The following RUNX1T1 variants were observed in gnomAD, a reference collection of about 807,000 sequenced individuals.
RUNX1T1 encodes RUNX1 partner transcriptional co-repressor 1.
A neutral mutation model predicts 62.8 loss-of-function variants in RUNX1T1; 4 were observed. The observed-to-expected ratio is 0.06, with a 90% CI of 0.03 to 0.15. The LOEUF (loss-of-function observed/expected upper bound fraction) is 0.15. Ranked by LOEUF, RUNX1T1 falls within the 10% of genes least tolerant of loss-of-function variation. RUNX1T1 has a pLI of 1.00. For synonymous variants in RUNX1T1, 291 were observed against 286.0 expected (o/e 1.02, Z -0.18); for missense variants, 508 against 754.3 (o/e 0.67, Z 3.82).
chr8:92,079,032 C>G (rs1834843676), intron 1 of RUNX1T1, among the ~76,000 whole-genome samples: 1 of 152,128 alleles, frequency 6.6e-6, no homozygotes, highest in Non-Finnish European at 1.5e-5. Flanking sequence ...GTGCAGTTCC[C>G]CATTACTGTA....
At chr8:92,017,959 T>C (rs1823337746) in intron 1 of RUNX1T1, among the ~76,000 whole-genome samples, 1 of 152,182 alleles carries the variant, frequency 6.6e-6, no homozygotes, top group Non-Finnish European at 1.5e-5. Context: ...TACAATGAAG[T>C]GAAACTATTA....
At chr8:92,098,025 A>G (rs749660689) in intron 1 of RUNX1T1, among the ~76,000 whole-genome samples, 1 of 152,232 alleles carries the variant, frequency 6.6e-6, no homozygotes, top group East Asian at 1.9e-4. Flanking sequence ...TCTTTTCTTA[A>G]TAATAGGTTA....
intron 3 of RUNX1T1, among the ~76,000 whole-genome samples, chr8:92,014,358 T>C (rs577888376): frequency 3.3e-5 from 5 of 152,230 alleles, no homozygotes; most frequent in African/African-American, 1.2e-4. Context: ...TATAACCATA[T>C]CTTTATTAGT....
At chr8:92,102,804 G>A (rs1838100280), upstream of RUNX1T1, 2 of 1,480,830 alleles carry the variant, frequency 1.4e-6, no homozygotes, top group Non-Finnish European at 1.8e-6. The surrounding 1 kb of genome is among the most constrained non-coding windows in gnomAD (Gnocchi z 4.5). Context: ...ATAACAGTCA[G>A]GGGCCCGACC....
At chr8:92,098,689 A>G (rs141787791) in intron 1 of RUNX1T1, among the ~76,000 whole-genome samples, 2 of 152,322 alleles carry the variant, frequency 1.3e-5, no homozygotes, top group Non-Finnish European at 2.9e-5. Flanking sequence ...CTCTTTACAT[A>G]AAACGCATTT....
chr8:92,034,670 A>ATG (rs35165263), intron 1 of RUNX1T1, among the ~76,000 whole-genome samples: 6,671 of 148,908 alleles, frequency 0.045, 379 homozygotes, highest in African/African-American at 0.11. Flanking sequence ...GCATATATAT[A>ATG]TGTGTGTGTG....
At chr8:92,103,048 A>T, upstream of RUNX1T1, 2 of 603,178 alleles carry the variant, frequency 3.3e-6, no homozygotes, top group Non-Finnish European at 2.5e-6. Flanking sequence ...CCGCGGAGCG[A>T]CTACGGCCGC....
In RUNX1T1 at chr8:92,095,075, A is replaced by C; in HGVS notation, c.-86+4505T>G. 6.5e-7 allele frequency: 1 copy of C among 1,535,650 alleles called. No individual in the cohort carries two copies. Reference sequence around the variant, plus strand: ...GCAGAGGTGATGGGAGATAGCGTCAAGGCCAGGGGTAGATGCCTCCTCCTC... The same window carrying C: ...GCAGAGGTGATGGGAGATAGCGTCACGGCCAGGGGTAGATGCCTCCTCCTC... On this transcript the variant is annotated intron_variant, in intron 1 of 11. Coordinates refer to the RUNX1T1 transcript ENST00000265814.
intron 1 of RUNX1T1, among the ~76,000 whole-genome samples, chr8:92,077,975 T>C (rs1229041936): frequency 3.3e-5 from 5 of 152,146 alleles, no homozygotes; most frequent in Non-Finnish European, 5.9e-5. Context: ...TAACTTCACT[T>C]GTATCTATTT....
upstream of RUNX1T1, among the ~76,000 whole-genome samples, chr8:92,063,214 AAGTATC>A (rs1393264973): frequency 1.3e-5 from 2 of 152,182 alleles, no homozygotes; most frequent in Non-Finnish European, 2.9e-5. Context: ...ATCCTGCACA[AAGTATC>A]AGAATCATTC....
At chr8:91,976,493 A>G (rs1174336931) in intron 8 of RUNX1T1, among the ~76,000 whole-genome samples, 1 of 152,170 alleles carries the variant, frequency 6.6e-6, no homozygotes, top group Non-Finnish European at 1.5e-5. Context: ...AAAATTTTTC[A>G]CACAAATTAG....
At chr8:92,037,179 G>T (rs777503449) in intron 1 of RUNX1T1, among the ~76,000 whole-genome samples, 15 of 152,142 alleles carry the variant, frequency 9.9e-5, no homozygotes, top group Non-Finnish European at 1.6e-4. Flanking sequence ...TCATCAATGT[G>T]TAAATTTATA....
intron 6 of RUNX1T1, among the ~76,000 whole-genome samples, chr8:91,987,580 C>CA (rs955022500): frequency 1.5e-4 from 23 of 151,250 alleles, no homozygotes; most frequent in Middle Eastern, 6.8e-3. Flanking sequence ...GGATATTCTT[C>CA]AAAAAAAAAT....
At chr8:92,065,168 G>A (rs890107446), upstream of RUNX1T1, among the ~76,000 whole-genome samples, 3 of 151,984 alleles carry the variant, frequency 2.0e-5, no homozygotes, top group South Asian at 2.1e-4. Flanking sequence ...ATAACTTTTC[G>A]TTCATAAAAA....
intron 1 of RUNX1T1, among the ~76,000 whole-genome samples, chr8:92,078,453 A>T (rs879208144): frequency 2.0e-5 from 3 of 152,170 alleles, no homozygotes; most frequent in Non-Finnish European, 4.4e-5. Flanking sequence ...CAGCCCTCAA[A>T]TTTGTAAAAC....
intron 1 of RUNX1T1, among the ~76,000 whole-genome samples, chr8:92,081,041 G>A (rs1365827081): frequency 3.3e-5 from 5 of 152,066 alleles, no homozygotes; most frequent in Non-Finnish European, 5.9e-5. Context: ...CTACACACGC[G>A]GGCCATTTAG....
chr8:92,034,729 C>T (rs527776355), intron 1 of RUNX1T1, among the ~76,000 whole-genome samples: 12 of 148,914 alleles, frequency 8.1e-5, no homozygotes, highest in South Asian at 2.1e-4. Context: ...TATATACACA[C>T]GTATACATAT....
chr8:92,005,467 T>C (rs543492713), intron 4 of RUNX1T1, 170 bp from the exon 6 acceptor site: 3 of 584,616 alleles, frequency 5.1e-6, no homozygotes, highest in Non-Finnish European at 5.9e-6. Context: ...TGGGCTACCA[T>C]GTGCGCAGAT....
exon 11 of RUNX1T1, chr8:91,959,113 C>T (rs948855375): frequency 9.2e-6 from 2 of 217,054 alleles, no homozygotes; most frequent in Non-Finnish European, 1.9e-5. Flanking sequence ...AACACATTTA[C>T]AAGAAAAACA....
Sources: gnomAD v4.1 joint callset for allele counts (sites outside exome capture counted in the v4.1 genomes callset) on GRCh38, gnomAD v4.1.1 for gene constraint, Gnocchi (gnomAD v3.1) non-coding constraint, MANE v1.5 for transcripts, NCBI Gene and HGNC (gene_info 2026-07-23, HGNC 2026-07-21) for gene names.